The following SGSM3 variants were observed in gnomAD, a reference collection of about 807,000 sequenced individuals.
SGSM3 encodes the protein small G protein signaling modulator 3.
SGSM3 carries 96 observed loss-of-function variants against 100.5 expected under a neutral mutation model. The observed-to-expected ratio is 0.96, with a 90% confidence interval of 0.81 to 1.13. The LOEUF (loss-of-function observed/expected upper bound fraction) is 1.13. Among genes scored for constraint, SGSM3 ranks in the 50% most tolerant of loss-of-function variants. The pLI is 0.00. For missense variants in SGSM3, 1,001 were observed against 1,015.8 expected (o/e 0.99, Z 0.20); for synonymous variants, 483 against 422.8 (o/e 1.14, Z -1.75).
intron 21 of SGSM3, 26 bp downstream of exon 21, chr22:40,409,551 C>G (rs777844656): frequency 1.9e-6 from 3 of 1,611,978 alleles, no homozygotes; most frequent in South Asian, 2.2e-5. Flanking sequence ...CTCGTAGGGC[C>G]TGCACTGATG....
chr22:40,409,077 C>T, intron 19 of SGSM3, 59 bp downstream of exon 19: 1 of 1,551,242 alleles, frequency 6.4e-7, no homozygotes, highest in Non-Finnish European at 8.7e-7. Flanking sequence ...AGCCCAGCAT[C>T]AGGGGGGGTC....
chr22:40,380,359 C>A (rs2047358961), intron 1 of SGSM3, among the ~76,000 whole-genome samples: 1 of 145,682 alleles, frequency 6.9e-6, no homozygotes, highest in Admixed American at 7.3e-5. Context: ...CCATGAATAT[C>A]TATAATTTTT....
In SGSM3 at chr22:40,406,119, G is replaced by T; in HGVS notation, c.856G>T (p.Ala286Ser). The T allele has an allele frequency of 6.2e-7, 1 of 1,614,098 alleles. No individual in the cohort carries two copies. The highest frequency in any genetic ancestry group is 8.5e-7 in the Non-Finnish European group (1 of 1,180,024). ...ITLHWFLTAF[A>S]SVVDIKLLLR... is the part of the protein sequence containing the mutation. ...ACTGCACTGGTTCCTCACGGCCTTC[G>T]CCAGCGTGGTGGACATCAAGCTGCT... Residue 286 changes from alanine to serine, a missense_variant, in exon 9 of 22, where the codon GCC becomes TCC. Transcript: ENST00000248929.
chr22:40,404,395 C>T lies in SGSM3; in HGVS notation c.306C>T (p.Pro102=). ...GGGACAAGATTGCCGTCTCCCTACC[C>T]CGCTCTGAGAAGCTCCGCTCCCTGG... The part of the protein sequence containing the change: ...LTWDKIAVSL[P]RSEKLRSLVL... The change falls in exon 5 of 22, where the codon CCC becomes CCT. Residue 102 remains proline, a synonymous_variant. Transcript: ENST00000248929. The T allele has an allele frequency of 6.2e-7, 1 of 1,608,966 alleles. No individual in the cohort carries two copies. Among genetic ancestry groups the T allele is most frequent in the Non-Finnish European group, 8.5e-7 (1 of 1,177,238 alleles).
At chr22:40,392,588 C>T (rs1477349865) in intron 1 of SGSM3, among the ~76,000 whole-genome samples, 1 of 152,114 alleles carries the variant, frequency 6.6e-6, no homozygotes, top group Non-Finnish European at 1.5e-5. Context: ...TCACTGTTCT[C>T]AGTACTCAGC....
rs1385987438 is a variant in SGSM3, at chr22:40,409,978, G to GTT, written c.*221_*222dup. ...TAGGGATGCTCTAGGCCAAACCACA[G>GTT]TTTGTACCAAAAACCTTGTGAGGAG... On this transcript the variant is annotated 3_prime_UTR_variant, in exon 22 of 22. Coordinates refer to ENST00000248929, the MANE Select transcript of SGSM3 (RefSeq NM_015705.6). 4.5e-6 allele frequency: 6 copies of GTT among 1,346,306 alleles called. No homozygotes were observed. In the African/African-American group the frequency reaches 4.5e-5, roughly 10 times the overall value. 83.4% of individuals were successfully genotyped at this position (1,346,306 alleles called of 1,614,324 possible).
chr22:40,387,595 C>G (rs2048686549), intron 1 of SGSM3: 1 of 169,130 alleles, frequency 5.9e-6, no homozygotes, highest in African/African-American at 2.4e-5. Context: ...CTCTTGTCTG[C>G]TATTTTTCAG....
chr22:40,408,638 G>A lies in SGSM3; in HGVS notation c.1794G>A (p.Arg598=). Residue 598 remains arginine, a synonymous_variant, in exon 17 of 22, where the codon CGG becomes CGA. Transcript: ENST00000248929. ...PWLFIEEAAG[R]EVERDFASVY... ...TGCTGTCCCCACAGGCTGCAGGCCGGGAGGTCGAGAGAGACTTTGCCTCCG... is the reference window on the plus strand; with the variant it reads ...TGCTGTCCCCACAGGCTGCAGGCCGAGAGGTCGAGAGAGACTTTGCCTCCG... 4 of 1,613,980 alleles carry A rather than the reference G, an allele frequency of 2.5e-6. No individual in the cohort carries two copies. Among genetic ancestry groups the A allele is most frequent in the Non-Finnish European group, 3.4e-6 (4 of 1,180,018 alleles).
At position 40,408,260 on chromosome 22, in the gene SGSM3, C is replaced by T; in HGVS notation, c.1630-17C>T. 6.2e-7 allele frequency: 1 copy of T among 1,612,634 alleles called. No homozygotes were observed. Among genetic ancestry groups the T allele is most frequent in the Non-Finnish European group, 8.5e-7 (1 of 1,179,308 alleles). ...AGGCGTCAGGCAGGGCTTTCTCAGACCCATCCCTCCCATCAGTACTCCATC... is the reference window on the plus strand; with the variant it reads ...AGGCGTCAGGCAGGGCTTTCTCAGATCCATCCCTCCCATCAGTACTCCATC... On this transcript the variant is annotated splice_polypyrimidine_tract_variant and intron_variant, in intron 15 of 21. Transcript: ENST00000248929.
At chr22:40,404,165 C>G (rs2051127089) in intron 4 of SGSM3, 82 bp from the exon 5 acceptor site, 2 of 1,224,662 alleles carry the variant, frequency 1.6e-6, no homozygotes, top group East Asian at 2.4e-5. Flanking sequence ...AGCTCAGACC[C>G]TCCTGAAGAC....
At chr22:40,378,558 A>G (rs2047035086) in intron 1 of SGSM3, among the ~76,000 whole-genome samples, 2 of 151,782 alleles carry the variant, frequency 1.3e-5, no homozygotes, top group Admixed American at 6.6e-5. Context: ...GCGAAACCCC[A>G]TCTCTACTAC....
intron 1 of SGSM3, among the ~76,000 whole-genome samples, chr22:40,374,006 T>C (rs1243771353): frequency 6.6e-6 from 1 of 152,118 alleles, no homozygotes; most frequent in African/African-American, 2.4e-5. Flanking sequence ...TTGAGTGCAG[T>C]GGCGTGATCT....
intron 1 of SGSM3, chr22:40,372,805 C>G (rs1227724448): frequency 6.6e-6 from 1 of 152,154 alleles, no homozygotes; most frequent in African/African-American, 2.4e-5. Flanking sequence ...CTTCTTAGTT[C>G]TCAATGAAGG....
intron 1 of SGSM3, among the ~76,000 whole-genome samples, chr22:40,379,122 T>C (rs2047138448): frequency 6.6e-6 from 1 of 152,236 alleles, no homozygotes; most frequent in East Asian, 1.9e-4. Context: ...TGGTCTCTTA[T>C]TAATTTTTTA....
chr22:40,389,669 A>G (rs2049070246), intron 1 of SGSM3, among the ~76,000 whole-genome samples: 1 of 147,274 alleles, frequency 6.8e-6, no homozygotes, highest in Non-Finnish European at 1.5e-5. Context: ...GCACTTTGGG[A>G]GGCCGAGGTG....
intron 1 of SGSM3, chr22:40,372,548 C>A (rs189385389): frequency 6.6e-6 from 1 of 152,210 alleles, no homozygotes; most frequent in South Asian, 2.1e-4. Context: ...AGGCTGTAAA[C>A]AAACAATTGC....
chr22:40,408,502 T>A, intron 16 of SGSM3, 73 bp downstream of exon 16: 1 of 1,597,156 alleles, frequency 6.3e-7, no homozygotes, highest in Non-Finnish European at 8.6e-7. Context: ...CCATCTTAGG[T>A]CCTTCCTGCC....
At position 40,407,462 on chromosome 22, in the gene SGSM3, A is replaced by T; in HGVS notation, c.1418A>T (p.Asn473Ile). 1.2e-6 allele frequency: 2 copies of T among 1,612,472 alleles called. No individual in the cohort carries two copies. Among genetic ancestry groups the T allele is most frequent in the Non-Finnish European group, 1.7e-6 (2 of 1,179,926 alleles). Residue 473 changes from asparagine to isoleucine, a missense_variant, in exon 13 of 22, where the codon AAC becomes ATC. Transcript: ENST00000248929. The surrounding 1 kb of genome is among the most constrained non-coding windows in gnomAD (Gnocchi z 4.7). ...SMESHQRDHENYVACSRSHRR... is the reference protein window; with the variant it reads ...SMESHQRDHEIYVACSRSHRR... Reference sequence around the variant, plus strand: ...GAGAGCCACCAGCGGGACCACGAGAACTACGTGGCGTGCTCACGCAGCCAC... The same window carrying T: ...GAGAGCCACCAGCGGGACCACGAGATCTACGTGGCGTGCTCACGCAGCCAC...
At chr22:40,390,604 T>G (rs2049225028) in intron 1 of SGSM3, 1 of 152,270 alleles carries the variant, frequency 6.6e-6, no homozygotes, top group African/African-American at 2.4e-5. Context: ...AAAGAACCTC[T>G]GAAGGATTTA....
Sources: gnomAD v4.1 joint callset for allele counts (sites outside exome capture counted in the v4.1 genomes callset) on GRCh38, gnomAD v4.1.1 for gene constraint, Gnocchi (gnomAD v3.1) non-coding constraint, MANE v1.5 for transcripts, NCBI Gene and HGNC (gene_info 2026-07-23, HGNC 2026-07-21) for gene names.